The following PRKN variants were observed in gnomAD, a reference collection of about 807,000 sequenced individuals.
PRKN encodes E3 ubiquitin-protein ligase parkin.
A neutral mutation model predicts 59.5 loss-of-function variants in PRKN; 56 were observed. The ratio of observed to expected loss-of-function variants is 0.94; its 90% CI spans 0.76 to 1.18. The LOEUF (loss-of-function observed/expected upper bound fraction) is 1.18, where lower values mean the gene tolerates loss of function less well. PRKN is among the 50% of genes most tolerant of loss of function. The pLI is 0.00. For synonymous variants in PRKN, 250 were observed against 222.1 expected (o/e 1.13, Z -1.12); for missense variants, 657 against 596.4 (o/e 1.10, Z -1.06).
chr6:162,009,933 G>A (rs527932271), intron 5 of PRKN, among the ~76,000 whole-genome samples: 61 of 150,792 alleles, frequency 4.0e-4, no homozygotes, highest in African/African-American at 1.3e-3. Context: ...AAGACTCTGC[G>A]TCAAAAAAAA....
intron 7 of PRKN, among the ~76,000 whole-genome samples, chr6:161,671,777 T>C (rs80189363): frequency 1.3e-5 from 2 of 152,368 alleles, no homozygotes; most frequent in East Asian, 3.9e-4. Flanking sequence ...AAATGTAATG[T>C]TGACCAGAAT....
At chr6:162,491,521 C>T (rs758075060) in intron 1 of PRKN, among the ~76,000 whole-genome samples, 3 of 152,194 alleles carry the variant, frequency 2.0e-5, no homozygotes, top group Non-Finnish European at 2.9e-5. Flanking sequence ...CAGACAGCAC[C>T]TGACTGCAGT....
Position 161,363,159 on chromosome 6 carries a change from C to T in PRKN, c.1168-2954G>A, listed in dbSNP as rs897927687. On this transcript the variant is annotated intron_variant, in intron 10 of 11. Coordinates refer to ENST00000366898, the MANE Select transcript of PRKN (RefSeq NM_004562.3). The surrounding 1 kb of genome is among the most constrained non-coding windows in gnomAD (Gnocchi z 4.1). ...TGGGAGGCTGAGGCAGGAGAAGTAC[C>T]TGAACCTGGGGGGCAGAGGTTGCAG... Among the ~76,000 whole-genome samples, 3 of 152,128 alleles carry T rather than the reference C, an allele frequency of 2.0e-5. No individual in the cohort carries two copies. The highest frequency in any genetic ancestry group is 7.2e-5 in the African/African-American group (3 of 41,424).
intron 6 of PRKN, among the ~76,000 whole-genome samples, chr6:161,849,996 A>T (rs1015051657): frequency 6.6e-6 from 1 of 152,136 alleles, no homozygotes; most frequent in Non-Finnish European, 1.5e-5. Flanking sequence ...AGGATAGAGT[A>T]AGCAGCCAAT....
Position 161,388,409 on chromosome 6 carries a change from C to G in PRKN, c.1084-1532G>C, listed in dbSNP as rs1786360636. On this transcript the variant is annotated intron_variant, in intron 9 of 11. Transcript: ENST00000366898. This position sits in a 1 kb window ranked among gnomAD's most constrained non-coding sequence, Gnocchi z 4.3. ...AGTTTCCTCACCAGAAAACTGGTTTCTTTCAATGGAACTTTCTTTAATAAG... is the reference window on the plus strand; with the variant it reads ...AGTTTCCTCACCAGAAAACTGGTTTGTTTCAATGGAACTTTCTTTAATAAG... Among the ~76,000 whole-genome samples, 1 of 152,200 alleles carries G rather than the reference C, an allele frequency of 6.6e-6. No individual in the cohort carries two copies. Among genetic ancestry groups the G allele is most frequent in the Admixed American group, 6.5e-5 (1 of 15,280 alleles).
chr6:161,704,011 A>G (rs1164132638), intron 7 of PRKN, among the ~76,000 whole-genome samples: 1 of 151,630 alleles, frequency 6.6e-6, no homozygotes, highest in Non-Finnish European at 1.5e-5. Flanking sequence ...ATGCACCACC[A>G]CACCTGGCTA....
intron 6 of PRKN, among the ~76,000 whole-genome samples, chr6:161,823,423 G>A (rs529971705): frequency 6.6e-6 from 1 of 152,224 alleles, no homozygotes; most frequent in Non-Finnish European, 1.5e-5. Context: ...GTGATGGGCT[G>A]GGTACACTGC....
At chr6:161,572,128 G>A (rs563069727) in intron 7 of PRKN, among the ~76,000 whole-genome samples, 35 of 152,226 alleles carry the variant, frequency 2.3e-4, no homozygotes, top group Admixed American at 5.2e-4. Flanking sequence ...TCTCTTTATA[G>A]ATCCTATAGA....
chr6:161,432,390 C>T (rs1013786230), intron 9 of PRKN, among the ~76,000 whole-genome samples: 1 of 120,424 alleles, frequency 8.3e-6, no homozygotes, highest in African/African-American at 3.3e-5. Flanking sequence ...GAGACGAAGT[C>T]TCACTCTTGT....
intron 4 of PRKN, among the ~76,000 whole-genome samples, chr6:162,181,862 T>C (rs1023120981): frequency 1.3e-5 from 2 of 152,182 alleles, no homozygotes; most frequent in South Asian, 4.1e-4. Context: ...AAAGAGGTTC[T>C]GAAAGGTTAA....
At chr6:162,352,895 A>C (rs1366652739) in intron 2 of PRKN, among the ~76,000 whole-genome samples, 2 of 152,206 alleles carry the variant, frequency 1.3e-5, no homozygotes, top group African/African-American at 4.8e-5. Context: ...TTTAAACTTT[A>C]AGTAGATAAG....
intron 6 of PRKN, among the ~76,000 whole-genome samples, chr6:161,787,189 G>A (rs1207721404): frequency 6.6e-6 from 1 of 151,974 alleles, no homozygotes; most frequent in African/African-American, 2.4e-5. Flanking sequence ...TAATATAAAA[G>A]ATAATTTCTT....
chr6:161,647,449 T>C (rs956428198), intron 7 of PRKN, among the ~76,000 whole-genome samples: 1 of 152,104 alleles, frequency 6.6e-6, no homozygotes, highest in Non-Finnish European at 1.5e-5. Context: ...AATAAATATT[T>C]AAAAACAGAG....
At chr6:162,723,672 A>C (rs1358616635) in intron 1 of PRKN, among the ~76,000 whole-genome samples, 1 of 152,218 alleles carries the variant, frequency 6.6e-6, no homozygotes, top group Non-Finnish European at 1.5e-5. Context: ...GAAAATGTAA[A>C]ATCTACAAAC....
At chr6:161,908,920 G>C (rs1309333489) in intron 6 of PRKN, among the ~76,000 whole-genome samples, 3 of 152,196 alleles carry the variant, frequency 2.0e-5, no homozygotes, top group Admixed American at 1.3e-4. Flanking sequence ...TGTAGCTACA[G>C]CCACTGTGTC....
intron 7 of PRKN, among the ~76,000 whole-genome samples, chr6:161,738,128 C>T (rs1788041315): frequency 6.6e-6 from 1 of 152,040 alleles, no homozygotes; most frequent in South Asian, 2.1e-4. Context: ...CAGATGATTT[C>T]CTCTTCTTTA....
At chr6:161,500,086 A>G (rs1435984338) in intron 9 of PRKN, among the ~76,000 whole-genome samples, 4 of 152,222 alleles carry the variant, frequency 2.6e-5, no homozygotes, top group Non-Finnish European at 5.9e-5. Flanking sequence ...ATGAAAATCA[A>G]TGCATCCTTA....
chr6:161,755,196 C>T (rs1788863175), intron 7 of PRKN, among the ~76,000 whole-genome samples: 2 of 152,132 alleles, frequency 1.3e-5, no homozygotes, highest in South Asian at 4.1e-4. Context: ...CAGCTTCTTG[C>T]CAGTAGGGGA....
rs73593465 is a variant in PRKN, at chr6:161,566,181, C to T, written c.933+3174G>A. Among the ~76,000 whole-genome samples, 235 of 152,308 alleles carry T rather than the reference C, an allele frequency of 1.5e-3. 2 individuals carry two copies. Among genetic ancestry groups the T allele is most frequent in the African/African-American group, 5.5e-3 (228 of 41,578 alleles). ...TAAAATGTATGTATTTGCAGTCTCC[C>T]ACTCTTTGGTTCACCTCTCACATGA... On this transcript the variant is annotated intron_variant, in intron 8 of 11. Coordinates refer to ENST00000366898, the MANE Select transcript of PRKN (RefSeq NM_004562.3). The surrounding 1 kb of genome is among the most constrained non-coding windows in gnomAD (Gnocchi z 4.1).
Sources: gnomAD v4.1 joint callset for allele counts (sites outside exome capture counted in the v4.1 genomes callset) on GRCh38, gnomAD v4.1.1 for gene constraint, Gnocchi (gnomAD v3.1) non-coding constraint, MANE v1.5 for transcripts, NCBI Gene and HGNC (gene_info 2026-07-23, HGNC 2026-07-21) for gene names.